Variants in NEBL observed in about 807,000 individuals in gnomAD.
NEBL encodes the protein LIM and SH3 protein 2.
Under a neutral mutation model 140.2 loss-of-function variants are expected in NEBL, and 122 were observed. That is an observed-to-expected ratio of 0.87 (90% CI 0.75 to 1.01). The LOEUF (loss-of-function observed/expected upper bound fraction) is 1.01. Ranked by LOEUF, NEBL falls within the 50% of genes least tolerant of loss-of-function variation. The pLI, the probability that NEBL is intolerant of heterozygous loss-of-function variation, is 0.00. For synonymous variants in NEBL, 436 were observed against 398.9 expected, an observed-to-expected ratio of 1.09 and a Z score of -1.11; for missense variants, 1,365 against 1,231.3, an observed-to-expected ratio of 1.11 and a Z score of -1.62.
At chr10:21,054,705 T>C (rs566841459) in intron 2 of NEBL, among the ~76,000 whole-genome samples, 3 of 152,196 alleles carry the variant, frequency 2.0e-5, no homozygotes, top group African/African-American at 7.2e-5. Flanking sequence ...CTTATGAAAA[T>C]GCCAAGCTCT....
chr10:20,784,801 C>G lies in NEBL; in HGVS notation c.*946G>C, dbSNP rs1264246511. 4.6e-5 allele frequency: 7 copies of G among 152,186 alleles called. No individual in the cohort carries two copies. The highest frequency in any genetic ancestry group is 4.6e-4 in the Admixed American group (7 of 15,280). The allele number at this position is 152,186 out of a possible 1,614,324, so 9.4% of individuals were successfully genotyped here. On this transcript the variant is annotated 3_prime_UTR_variant, in exon 28 of 28. Transcript: ENST00000377122. Reference sequence around the variant, plus strand: ...GTTATTTCCTAAGATGTAAATCCTTCAAAACTAGAGTGCGATGCAGCAGGA... The same window carrying G: ...GTTATTTCCTAAGATGTAAATCCTTGAAAACTAGAGTGCGATGCAGCAGGA...
At chr10:20,886,782 G>T (rs1846559380) in intron 4 of NEBL, among the ~76,000 whole-genome samples, 1 of 152,086 alleles carries the variant, frequency 6.6e-6, no homozygotes, top group African/African-American at 2.4e-5. Context: ...GACTGACTGG[G>T]ATAAATACAC....
In NEBL at chr10:20,965,033, A is replaced by G. The variant is rs1312124201; in HGVS notation, c.250-3254T>C. Among the ~76,000 whole-genome samples, 3 of 152,318 alleles carry G rather than the reference A, an allele frequency of 2.0e-5. No homozygotes were observed. In the East Asian group the frequency reaches 5.8e-4, roughly 29 times the overall value. ...TGACTTCTATGCCCTGATTCTTCCT[A>G]TGTATGTTACAAGATGTAATAGTTT... On this transcript the variant is annotated intron_variant, in intron 3 of 6. Coordinates refer to the NEBL transcript ENST00000417816.
At chr10:20,929,798 A>G (rs1022845487) in intron 4 of NEBL, among the ~76,000 whole-genome samples, 1 of 152,198 alleles carries the variant, frequency 6.6e-6, no homozygotes, top group Middle Eastern at 3.2e-3. Flanking sequence ...AAATGAGTAC[A>G]GGGTATACTA....
At chr10:20,804,314 G>T (rs1458838823) in intron 26 of NEBL, 1 of 152,070 alleles carries the variant, frequency 6.6e-6, no homozygotes, top group South Asian at 2.1e-4. Flanking sequence ...ACTCATTAGC[G>T]CACTTCAAGC....
chr10:20,853,881 A>G (rs989622812), intron 9 of NEBL, among the ~76,000 whole-genome samples: 1 of 152,176 alleles, frequency 6.6e-6, no homozygotes, highest in African/African-American at 2.4e-5. Flanking sequence ...AATAACTAAG[A>G]GTGGAATTGA....
At chr10:20,841,007 T>C in intron 12 of NEBL, among the ~76,000 whole-genome samples, 158 bp from the exon 13 acceptor site, 1 of 152,072 alleles carries the variant, frequency 6.6e-6, no homozygotes, top group Non-Finnish European at 1.5e-5. Flanking sequence ...TACAGACACT[T>C]CATTTTCCCC....
chr10:21,138,192 G>A (rs1839444846), intron 2 of NEBL, among the ~76,000 whole-genome samples: 1 of 152,114 alleles, frequency 6.6e-6, no homozygotes, highest in South Asian at 2.1e-4. Context: ...TGGGACAACG[G>A]ACAGCACTGT....
At chr10:21,234,099 CTGGA>C (rs528215756) in intron 3 of NEBL, among the ~76,000 whole-genome samples, 5,267 of 150,896 alleles carry the variant, frequency 0.035, 177 homozygotes, top group South Asian at 0.12. Context: ...TAGGACTGGA[CTGGA>C]CTGGACTGGA....
intron 5 of NEBL, among the ~76,000 whole-genome samples, chr10:20,877,850 G>T (rs543050358): frequency 1.3e-5 from 2 of 152,120 alleles, no homozygotes; most frequent in African/African-American, 2.4e-5. Flanking sequence ...ACTCTGCCAC[G>T]AGGCACAAGT....
chr10:20,916,596 G>A (rs375364827), intron 4 of NEBL, among the ~76,000 whole-genome samples: 4 of 152,136 alleles, frequency 2.6e-5, no homozygotes, highest in South Asian at 2.1e-4. Flanking sequence ...TTTTAGTAGC[G>A]ACAAGGTTTC....
At chr10:21,002,297 G>A (rs955838203) in intron 3 of NEBL, among the ~76,000 whole-genome samples, 14 of 151,982 alleles carry the variant, frequency 9.2e-5, no homozygotes, top group Admixed American at 2.6e-4. Context: ...AGGAAAAAAC[G>A]TCATATAGAA....
chr10:21,139,102 G>A (rs1839494994), intron 2 of NEBL, among the ~76,000 whole-genome samples: 1 of 152,142 alleles, frequency 6.6e-6, no homozygotes, highest in Non-Finnish European at 1.5e-5. Context: ...GTTACAATAT[G>A]TACACAGAGC....
chr10:21,272,098 C>T (rs1842866826), intron 1 of NEBL, among the ~76,000 whole-genome samples: 1 of 149,420 alleles, frequency 6.7e-6, no homozygotes, highest in African/African-American at 2.5e-5. Context: ...TCTACAGGCA[C>T]CCGCCACCAC....
chr10:20,893,214 T>C (rs1847175992), intron 2 of NEBL, among the ~76,000 whole-genome samples: 1 of 152,180 alleles, frequency 6.6e-6, no homozygotes, highest in Non-Finnish European at 1.5e-5. Context: ...CAATCTTTTT[T>C]ATGACTCCCC....
At chr10:21,023,696 AAAAT>A (rs374573842) in intron 2 of NEBL, among the ~76,000 whole-genome samples, 5 of 151,628 alleles carry the variant, frequency 3.3e-5, no homozygotes, top group African/African-American at 9.7e-5. Context: ...CTCCATCTCA[AAAAT>A]AAATAAATAA....
intron 1 of NEBL, among the ~76,000 whole-genome samples, chr10:21,269,863 T>C (rs1249269266): frequency 6.6e-6 from 1 of 152,206 alleles, no homozygotes; most frequent in Non-Finnish European, 1.5e-5. Context: ...ATTAATCTCA[T>C]TGTCACTTGA....
At chr10:20,918,711 C>T (rs963118897) in intron 4 of NEBL, among the ~76,000 whole-genome samples, 9 of 151,262 alleles carry the variant, frequency 5.9e-5, no homozygotes, top group East Asian at 1.9e-4. Context: ...ACTATACAGG[C>T]GTGGTGGCGG....
intron 5 of NEBL, among the ~76,000 whole-genome samples, chr10:20,877,688 G>A (rs890443250): frequency 3.9e-5 from 6 of 152,112 alleles, no homozygotes; most frequent in Non-Finnish European, 7.4e-5. Flanking sequence ...CATGGAAACC[G>A]CCAGGCAAAG....
Sources: gnomAD v4.1 joint callset for allele counts (sites outside exome capture counted in the v4.1 genomes callset) on GRCh38, gnomAD v4.1.1 for gene constraint, MANE v1.5 for transcripts, NCBI Gene and HGNC (gene_info 2026-07-23, HGNC 2026-07-21) for gene names.